Variants in FBH1 observed in about 807,000 individuals in gnomAD.
FBH1 encodes the protein DNA 3'-5' helicase 1.
A neutral mutation model predicts 115.5 loss-of-function variants in FBH1; 43 were observed. That is an observed-to-expected ratio of 0.37 (90% CI 0.29 to 0.48). FBH1 has a LOEUF of 0.48. FBH1 is among the 20% of genes least tolerant of loss of function. The pLI, the probability that FBH1 is intolerant of heterozygous loss-of-function variation, is 0.99. For missense variants in FBH1, 1,001 were observed against 1,337.3 expected (o/e 0.75, Z 3.92); for synonymous variants, 524 against 507.8 (o/e 1.03, Z -0.43).
rs554759652 is a variant in FBH1 at position 5,900,969 on chromosome 10, G to A, written c.2-2051G>A. Among the ~76,000 whole-genome samples the A allele has an allele frequency of 1.3e-5, 2 of 151,972 alleles. No homozygotes were observed. The highest frequency in any genetic ancestry group is 4.2e-4 in the South Asian group (2 of 4,810). ...AAAGTTAGCTGGGTGTGGTGGAGGG[G>A]GCCTGTAGTCCCAGCTACTTGGGAG... On this transcript the variant is annotated intron_variant, in intron 1 of 20. Coordinates refer to ENST00000362091, the MANE Select transcript of FBH1 (RefSeq NM_178150.3). The surrounding 1 kb of genome is among the most constrained non-coding windows in gnomAD (Gnocchi z 4.2).
intron 1 of FBH1, among the ~76,000 whole-genome samples, chr10:5,898,700 G>A (rs1843153412): frequency 1.3e-5 from 2 of 152,214 alleles, no homozygotes; most frequent in African/African-American, 4.8e-5. Context: ...ATGAGCCACT[G>A]TGCCTGGCCC....
Position 5,936,944 on chromosome 10 carries a change from G to T in FBH1, c.2962-166G>T. On this transcript the variant is annotated intron_variant, in intron 20 of 20. Transcript: ENST00000362091. This position sits in a 1 kb window ranked among gnomAD's most constrained non-coding sequence, Gnocchi z 5.6. ...TGGGGGTGTTGAGGCCACCTAGTTG[G>T]TGGTGCTGTGGGAGGTGTTACTCTG... 1 of 727,690 alleles carries T rather than the reference G, an allele frequency of 1.4e-6. No homozygotes were observed. The highest frequency in any genetic ancestry group is 2.2e-6 in the Non-Finnish European group (1 of 451,498). 45.1% of individuals were successfully genotyped at this position (727,690 alleles called of 1,614,324 possible).
rs192892848 is a variant in FBH1, at chr10:5,912,954, A to T, written c.1212-793A>T. Among the ~76,000 whole-genome samples, 15 of 152,092 alleles carry T rather than the reference A, an allele frequency of 9.9e-5. No homozygotes were observed. The East Asian group carries it at 2.7e-3, about 28-fold the overall frequency. Reference sequence around the variant, plus strand: ...TCTGAAATGTTGGATTATTAAAGGTATTTGTTGCATTGGAGAGGTCGAGGC... The same window carrying T: ...TCTGAAATGTTGGATTATTAAAGGTTTTTGTTGCATTGGAGAGGTCGAGGC... On this transcript the variant is annotated intron_variant, in intron 6 of 20. Coordinates refer to ENST00000362091, the MANE Select transcript of FBH1 (RefSeq NM_178150.3).
At chr10:5,890,227 G>A (rs1288112809), upstream of FBH1, 98 of 355,462 alleles carry the variant, frequency 2.8e-4, no homozygotes, top group East Asian at 4.1e-3. Context: ...AAGTCGGCGG[G>A]CGTCTCGGGC....
rs180998543 is a variant in FBH1, at chr10:5,923,428, C to G, written c.2323-193C>G. On this transcript the variant is annotated intron_variant, in intron 15 of 20. Transcript: ENST00000362091. This position sits in a 1 kb window ranked among gnomAD's most constrained non-coding sequence, Gnocchi z 5.7. Reference sequence around the variant, plus strand: ...GTGTTCAGGCCACGTGGCAGCCTTGCGCTTTCTGCTTCATGAAGTTTCCTG... The same window carrying G: ...GTGTTCAGGCCACGTGGCAGCCTTGGGCTTTCTGCTTCATGAAGTTTCCTG... 4 of 550,884 alleles carry G rather than the reference C, an allele frequency of 7.3e-6. No homozygotes were observed. The highest frequency in any genetic ancestry group is 1.9e-5 in the African/African-American group (1 of 52,372). 34.1% of individuals were successfully genotyped at this position (550,884 alleles called of 1,614,324 possible).
At position 5,924,445 on chromosome 10, in the gene FBH1, A is replaced by G; in HGVS notation, c.2533A>G (p.Ile845Val). 6.2e-7 allele frequency: 1 copy of G among 1,614,226 alleles called. No individual in the cohort carries two copies. Among genetic ancestry groups the G allele is most frequent in the Non-Finnish European group, 8.5e-7 (1 of 1,180,024 alleles). Residue 845 changes from isoleucine to valine, a missense_variant, in exon 17 of 21, where the codon ATC becomes GTC. Around this residue, in one of 4 missense-constraint regions of FBH1, gnomAD observed 521 missense variants for 811.0 expected, o/e 0.64. Transcript: ENST00000362091. The surrounding 1 kb of genome is among the most constrained non-coding windows in gnomAD (Gnocchi z 6.2). ...GATCGCAGTTGTTGAAAAGTATAAC[A>G]TCAGGATTCCAGAGCTGGTGCAAAG... ...AKIAVVEKYNIRIPELVQRIE... is the reference protein window; with the variant it reads ...AKIAVVEKYNVRIPELVQRIE...
Position 5,923,612 on chromosome 10 carries a change from C to G in FBH1, c.2323-9C>G. The G allele has an allele frequency of 6.2e-7, 1 of 1,605,786 alleles. No individual in the cohort carries two copies. The highest frequency in any genetic ancestry group is 8.5e-7 in the Non-Finnish European group (1 of 1,177,652). On this transcript the variant is annotated splice_polypyrimidine_tract_variant and intron_variant, in intron 15 of 20. Coordinates refer to ENST00000362091, the MANE Select transcript of FBH1 (RefSeq NM_178150.3). The surrounding 1 kb of genome is among the most constrained non-coding windows in gnomAD (Gnocchi z 5.7). Reference sequence around the variant, plus strand: ...AAAAAACAAAAATCCCACCAAAAAACTTTTTCAGGGGATTAAATCATTTGG... The same window carrying G: ...AAAAAACAAAAATCCCACCAAAAAAGTTTTTCAGGGGATTAAATCATTTGG...
At chr10:5,907,321 C>G (rs111238897) in intron 3 of FBH1, among the ~76,000 whole-genome samples, 109 of 152,234 alleles carry the variant, frequency 7.2e-4, no homozygotes, top group African/African-American at 2.5e-3. Context: ...AAACCCCTCT[C>G]TTAAAACAGC....
chr10:5,918,576 G>T lies in FBH1; in HGVS notation c.2100+98G>T. On this transcript the variant is annotated intron_variant, in intron 13 of 20. Coordinates refer to ENST00000362091, the MANE Select transcript of FBH1 (RefSeq NM_178150.3). This position sits in a 1 kb window ranked among gnomAD's most constrained non-coding sequence, Gnocchi z 4.0. Reference sequence around the variant, plus strand: ...TGGTATGCCAGGCTCACCAGATCTAGCAAATCCTTGCTTCTAAGCCATGGT... The same window carrying T: ...TGGTATGCCAGGCTCACCAGATCTATCAAATCCTTGCTTCTAAGCCATGGT... 1 of 1,381,606 alleles carries T rather than the reference G, an allele frequency of 7.2e-7. No homozygotes were observed. The allele number at this position is 1,381,606 out of a possible 1,614,324, so 85.6% of individuals were successfully genotyped here. A position where few individuals can be genotyped will look rare whatever the true frequency, so the allele number is the denominator to read the frequency against.
chr10:5,923,843 G>A lies in FBH1; in HGVS notation c.2398+147G>A. On this transcript the variant is annotated intron_variant, in intron 16 of 20. Transcript: ENST00000362091. The surrounding 1 kb of genome is among the most constrained non-coding windows in gnomAD (Gnocchi z 5.7). ...GCTGTCTTCCCATGACGAGGGGGGTGCCTCGGGCCTCCTGTTTTCATAGGT... is the reference window on the plus strand; with the variant it reads ...GCTGTCTTCCCATGACGAGGGGGGTACCTCGGGCCTCCTGTTTTCATAGGT... 1 of 679,118 alleles carries A rather than the reference G, an allele frequency of 1.5e-6. No homozygotes were observed. The highest frequency in any genetic ancestry group is 2.5e-6 in the Non-Finnish European group (1 of 404,804). 42.1% of individuals were successfully genotyped at this position (679,118 alleles called of 1,614,324 possible).
intron 15 of FBH1, among the ~76,000 whole-genome samples, chr10:5,922,801 C>T (rs1014371220): frequency 1.3e-5 from 2 of 152,224 alleles, no homozygotes; most frequent in African/African-American, 4.8e-5. Flanking sequence ...TTTGGAAGAT[C>T]TGAGCTAAAC....
chr10:5,927,758 T>C (rs1832737529), intron 19 of FBH1, among the ~76,000 whole-genome samples: 1 of 152,036 alleles, frequency 6.6e-6, no homozygotes, highest in Middle Eastern at 3.2e-3. Context: ...CCTAATTCAG[T>C]TTAAAAAGCT....
In FBH1 at chr10:5,931,274, G is replaced by A. The variant is rs551076234; in HGVS notation, c.2829+3733G>A. Among the ~76,000 whole-genome samples, 15 of 152,104 alleles carry A rather than the reference G, an allele frequency of 9.9e-5. No individual in the cohort carries two copies. Among genetic ancestry groups the A allele is most frequent in the Non-Finnish European group, 1.6e-4 (11 of 68,028 alleles). Reference sequence around the variant, plus strand: ...GCATTACCTTGCTTTGTTGCACAACGGCACCTTTTTCTTTTTTCTTTTTAA... The same window carrying A: ...GCATTACCTTGCTTTGTTGCACAACAGCACCTTTTTCTTTTTTCTTTTTAA... On this transcript the variant is annotated intron_variant, in intron 19 of 20. Coordinates refer to ENST00000362091, the MANE Select transcript of FBH1 (RefSeq NM_178150.3). The surrounding 1 kb of genome is among the most constrained non-coding windows in gnomAD (Gnocchi z 4.3).
At chr10:5,894,994 T>C in intron 1 of FBH1, 1 of 1,567,704 alleles carries the variant, frequency 6.4e-7, no homozygotes. Flanking sequence ...AATACTTTTA[T>C]GGTGCTGGAG....
chr10:5,913,892 A>G lies in FBH1; in HGVS notation c.1304+53A>G, dbSNP rs1831765287. 8.3e-6 allele frequency: 11 copies of G among 1,327,006 alleles called. No individual in the cohort carries two copies. The South Asian group carries it at 8.8e-5, about 11-fold the overall frequency. The allele number at this position is 1,327,006 out of a possible 1,614,324, so 82.2% of individuals were successfully genotyped here. A position where few individuals can be genotyped will look rare whatever the true frequency, so the allele number is the denominator to read the frequency against. ...TTTTGTCTTCTGTCGACTCTTCCTC[A>G]TACTTAAGGAGGGAGATGTTTTGCT... On this transcript the variant is annotated intron_variant, in intron 7 of 20. Coordinates refer to ENST00000362091, the MANE Select transcript of FBH1 (RefSeq NM_178150.3). This position sits in a 1 kb window ranked among gnomAD's most constrained non-coding sequence, Gnocchi z 4.4.
At chr10:5,899,660 A>G (rs1589051276) in intron 1 of FBH1, among the ~76,000 whole-genome samples, 2 of 152,086 alleles carry the variant, frequency 1.3e-5, no homozygotes, top group Middle Eastern at 6.8e-3. Flanking sequence ...CCTGCTGTTG[A>G]GCATTGTGTG....
At position 5,921,297 on chromosome 10, in the gene FBH1, A is replaced by AT; in HGVS notation, c.2140_2141insT (p.Thr714IlefsTer24). On this transcript the variant is annotated frameshift_variant, in exon 14 of 21. Coordinates refer to ENST00000362091, the MANE Select transcript of FBH1 (RefSeq NM_178150.3). LOFTEE classifies it high-confidence loss of function. The surrounding 1 kb of genome is among the most constrained non-coding windows in gnomAD (Gnocchi z 6.4). ...TGTGGAAATAGCTTATGTGGGAGCT[A>AT]CTATCTTGGATGTTTGCAAGAGAGT... 1 of 1,614,204 alleles carries AT rather than the reference A, an allele frequency of 6.2e-7. No individual in the cohort carries two copies. The highest frequency in any genetic ancestry group is 8.5e-7 in the Non-Finnish European group (1 of 1,180,034).
At position 5,906,053 on chromosome 10, in the gene FBH1, A is replaced by T. The variant is rs1288106881; in HGVS notation, c.174A>T (p.Arg58Ser). 1 of 1,608,812 alleles carries T rather than the reference A, an allele frequency of 6.2e-7. No homozygotes were observed. The highest frequency in any genetic ancestry group is 1.7e-5 in the Admixed American group (1 of 59,946). The change falls in exon 3 of 21, where the codon AGA becomes AGT. Residue 58 changes from arginine to serine, a missense_variant. Physicochemically the swap from Arg to Ser is moderately radical, Grantham distance 110. Around this residue, in one of 4 missense-constraint regions of FBH1, gnomAD observed 420 missense variants for 430.4 expected, o/e 0.98. Coordinates refer to ENST00000362091, the MANE Select transcript of FBH1 (RefSeq NM_178150.3). The surrounding 1 kb of genome is among the most constrained non-coding windows in gnomAD (Gnocchi z 7.3). Reference protein sequence around the residue: ...KRGSRGQGSQRCIPEFFLAGK... With the variant: ...KRGSRGQGSQSCIPEFFLAGK... ...TCTCTACAGGTCAGGGAAGTCAAAGATGCATCCCTGAGTTCTTCCTAGCAG... is the reference window on the plus strand; with the variant it reads ...TCTCTACAGGTCAGGGAAGTCAAAGTTGCATCCCTGAGTTCTTCCTAGCAG...
intron 1 of FBH1, among the ~76,000 whole-genome samples, 186 bp from the exon 2 acceptor site, chr10:5,902,834 A>G (rs1843434342): frequency 1.3e-5 from 2 of 152,052 alleles, no homozygotes; most frequent in South Asian, 2.1e-4. Flanking sequence ...TTCAATTCTA[A>G]GGAAGAAAAA....
Sources: allele counts gnomAD v4.1 joint callset (sites outside exome capture counted in the v4.1 genomes callset), GRCh38; gene constraint gnomAD v4.1.1; regional missense constraint gnomAD v4.1.1; non-coding constraint Gnocchi (gnomAD v3.1); transcripts MANE v1.5; gene names NCBI Gene and HGNC (gene_info 2026-07-23, HGNC 2026-07-21).